RORA: variants seen among roughly 807,000 people sequenced by gnomAD.
RORA encodes the protein RAR related orphan receptor A, also known as nuclear receptor ROR-alpha.
A neutral mutation model predicts 69.5 loss-of-function variants in RORA; 7 were observed. The observed-to-expected ratio is 0.10, with a 90% CI of 0.06 to 0.19. The LOEUF (loss-of-function observed/expected upper bound fraction) is 0.19, where lower values mean the gene tolerates loss of function less well. RORA is among the 10% of genes least tolerant of loss of function. The pLI is 1.00. For missense variants in RORA, 457 were observed against 663.0 expected, an observed-to-expected ratio of 0.69 and a Z score of 3.41; for synonymous variants, 261 against 240.8, an observed-to-expected ratio of 1.08 and a Z score of -0.78.
chr15:60,850,670 G>C (rs1333589604), intron 1 of RORA, among the ~76,000 whole-genome samples: 1 of 152,138 alleles, frequency 6.6e-6, no homozygotes, highest in Non-Finnish European at 1.5e-5. Context: ...GAGCAGAGCT[G>C]GTTTCCAGCA....
At chr15:60,940,851 C>T (rs996325856) in intron 1 of RORA, among the ~76,000 whole-genome samples, 3 of 152,124 alleles carry the variant, frequency 2.0e-5, no homozygotes, top group East Asian at 1.9e-4. Flanking sequence ...TGTTTGAACT[C>T]GGGAGGCAAA....
chr15:61,212,978 T>C (rs1014172143), intron 1 of RORA, among the ~76,000 whole-genome samples: 1 of 152,122 alleles, frequency 6.6e-6, no homozygotes, highest in Non-Finnish European at 1.5e-5. Context: ...GCTATTGCTA[T>C]TTTTTTGTTT....
intron 3 of RORA, chr15:60,529,280 T>C (rs1389978742): frequency 6.6e-6 from 1 of 152,204 alleles, no homozygotes; most frequent in Non-Finnish European, 1.5e-5. Context: ...TTATTTACAA[T>C]TGATCATGAT....
At chr15:61,127,258 G>C (rs1313125777) in intron 1 of RORA, among the ~76,000 whole-genome samples, 1 of 152,142 alleles carries the variant, frequency 6.6e-6, no homozygotes, top group African/African-American at 2.4e-5. Flanking sequence ...TCTCATCATG[G>C]AGTAAGTTTA....
chr15:60,619,046 A>C (rs911947241), intron 2 of RORA, among the ~76,000 whole-genome samples: 1 of 152,184 alleles, frequency 6.6e-6, no homozygotes, highest in Non-Finnish European at 1.5e-5. Flanking sequence ...AAAGGTTAAA[A>C]CTTGTTCCTG....
At chr15:60,715,503 G>A (rs2071208488) in intron 1 of RORA, among the ~76,000 whole-genome samples, 1 of 152,190 alleles carries the variant, frequency 6.6e-6, no homozygotes, top group Non-Finnish European at 1.5e-5. Flanking sequence ...AAGGAGAATA[G>A]AAGAAGCCTG....
At chr15:61,204,281 G>A (rs923283963) in intron 1 of RORA, among the ~76,000 whole-genome samples, 11 of 152,214 alleles carry the variant, frequency 7.2e-5, no homozygotes, top group Non-Finnish European at 1.5e-4. Flanking sequence ...GTCTTCACAC[G>A]AATGTATCCC....
intron 1 of RORA, among the ~76,000 whole-genome samples, chr15:61,043,027 T>A (rs1896858032): frequency 6.6e-6 from 1 of 152,038 alleles, no homozygotes; most frequent in African/African-American, 2.4e-5. Context: ...AGGCTGAGAG[T>A]GATGGACATG....
chr15:60,838,466 T>C (rs1009655277), intron 1 of RORA, among the ~76,000 whole-genome samples: 10 of 152,260 alleles, frequency 6.6e-5, no homozygotes, highest in African/African-American at 2.4e-4. Context: ...CACCGGGCCA[T>C]GGGGCCAGCC....
At chr15:61,065,877 A>G (rs538777972) in intron 1 of RORA, among the ~76,000 whole-genome samples, 6 of 152,274 alleles carry the variant, frequency 3.9e-5, no homozygotes, top group East Asian at 1.9e-4. Context: ...ATATTCTCCA[A>G]TAACTTCTCC....
chr15:60,821,083 T>C lies in RORA; in HGVS notation c.167-142397A>G, dbSNP rs532740831. 4.1e-4 allele frequency among the ~76,000 whole-genome samples: 63 copies of C among 152,098 alleles called. 1 individual carries two copies. The South Asian group carries it at 0.013, about 31-fold the overall frequency. On this transcript the variant is annotated intron_variant, in intron 1 of 10. Transcript: ENST00000335670. ...TATGCCAGGTGTCACCAATTACCTA[T>C]TTCCAGCTGTAGGGCCTAGGACCTT...
At chr15:60,595,012 G>C (rs1161038667) in intron 2 of RORA, among the ~76,000 whole-genome samples, 2 of 146,330 alleles carry the variant, frequency 1.4e-5, no homozygotes, top group African/African-American at 2.6e-5. Context: ...AAAGCTCTTT[G>C]AGAGTAAAAA....
At chr15:61,199,917 G>A (rs1449592260) in intron 1 of RORA, among the ~76,000 whole-genome samples, 1 of 152,228 alleles carries the variant, frequency 6.6e-6, no homozygotes, top group Non-Finnish European at 1.5e-5. Context: ...ATACACCTGG[G>A]TGAAGGGTGG....
rs535734325 is a variant in RORA at position 60,758,581 on chromosome 15, C to A, written c.167-79895G>T. 3.3e-5 allele frequency among the ~76,000 whole-genome samples: 5 copies of A among 152,236 alleles called. No individual in the cohort carries two copies. In the South Asian group the frequency reaches 1.0e-3, roughly 32 times the overall value. On this transcript the variant is annotated intron_variant, in intron 1 of 10. Transcript: ENST00000335670. ...TGGGGAGTGGGAATTTTCCTCTTCA[C>A]CTCCATGGTAACAGCTAATGCCAAG...
chr15:60,572,604 C>T (rs901021544), intron 2 of RORA, among the ~76,000 whole-genome samples: 3 of 152,042 alleles, frequency 2.0e-5, no homozygotes, highest in Non-Finnish European at 4.4e-5. Flanking sequence ...TAGGAAGAAG[C>T]GCTTATTGAT....
intron 1 of RORA, among the ~76,000 whole-genome samples, chr15:60,741,179 G>GA (rs2071571111): frequency 6.6e-6 from 1 of 152,206 alleles, no homozygotes; most frequent in African/African-American, 2.4e-5. Flanking sequence ...GACAGGAAGA[G>GA]AAAGTTCAGT....
At chr15:60,904,083 G>C (rs1052136789) in intron 1 of RORA, among the ~76,000 whole-genome samples, 2 of 152,158 alleles carry the variant, frequency 1.3e-5, no homozygotes, top group African/African-American at 4.8e-5. Flanking sequence ...CAGTTAGTAG[G>C]TATCGGTGTC....
intron 1 of RORA, among the ~76,000 whole-genome samples, chr15:61,155,097 T>C (rs2079431076): frequency 6.6e-6 from 1 of 152,308 alleles, no homozygotes; most frequent in East Asian, 1.9e-4. Context: ...GCAAGAAGAT[T>C]TTAAATGTTG....
At chr15:60,986,069 T>A (rs2140365011) in intron 1 of RORA, among the ~76,000 whole-genome samples, 1 of 152,206 alleles carries the variant, frequency 6.6e-6, no homozygotes, top group Admixed American at 6.5e-5. Flanking sequence ...CAGCAAGACA[T>A]AAGTAGGTGG....
Sources: gnomAD v4.1 joint callset for allele counts (sites outside exome capture counted in the v4.1 genomes callset) on GRCh38, gnomAD v4.1.1 for gene constraint, MANE v1.5 for transcripts, NCBI Gene and HGNC (gene_info 2026-07-23, HGNC 2026-07-21) for gene names.